PXDC1: variants seen among roughly 807,000 people sequenced by gnomAD.
PXDC1 encodes PX domain-containing protein 1.
PXDC1 carries 13 observed loss-of-function variants against 24.4 expected under a neutral mutation model. The ratio of observed to expected loss-of-function variants is 0.53; its 90% CI spans 0.35 to 0.85. PXDC1 has a LOEUF of 0.85. PXDC1 is among the 40% of genes least tolerant of loss of function. The pLI, the probability that PXDC1 is intolerant of heterozygous loss-of-function variation, is 0.01. For missense variants in PXDC1, 344 were observed against 309.3 expected (o/e 1.11, Z -0.84); for synonymous variants, 162 against 124.9 (o/e 1.30, Z -1.98).
chr6:3,750,319 G>A (rs929797909), intron 1 of PXDC1, among the ~76,000 whole-genome samples: 1 of 152,194 alleles, frequency 6.6e-6, no homozygotes, highest in Non-Finnish European at 1.5e-5. Flanking sequence ...AGAAAAGAAG[G>A]CTGCTGGGCC....
intron 1 of PXDC1, among the ~76,000 whole-genome samples, chr6:3,750,317 A>G (rs901011409): frequency 3.3e-5 from 5 of 152,188 alleles, no homozygotes; most frequent in African/African-American, 1.2e-4. Context: ...GCAGAAAAGA[A>G]GGCTGCTGGG....
intron 1 of PXDC1, among the ~76,000 whole-genome samples, chr6:3,739,612 T>C (rs11242869): frequency 0.1 from 15,374 of 152,200 alleles, 978 homozygotes; most frequent in East Asian, 0.35. Flanking sequence ...GCCCTGGCCG[T>C]CACCAGAGGA....
chr6:3,723,467 G>A lies in PXDC1; in HGVS notation c.*152C>T. The A allele has an allele frequency of 1.5e-6, 1 of 682,316 alleles. No homozygotes were observed. The highest frequency in any genetic ancestry group is 2.5e-5 in the East Asian group (1 of 40,208). The allele number at this position is 682,316 out of a possible 1,614,324, so 42.3% of individuals were successfully genotyped here. On this transcript the variant is annotated 3_prime_UTR_variant, in exon 5 of 5. Transcript: ENST00000380283. ...ACTAGGAGCCCCTGCTGCTCCACTT[G>A]CAGGACACCCAGGCCTCCTGGCGTC...
intron 1 of PXDC1, among the ~76,000 whole-genome samples, chr6:3,747,659 T>C (rs1356684690): frequency 6.6e-6 from 1 of 152,140 alleles, no homozygotes; most frequent in African/African-American, 2.4e-5. Context: ...TCGATCACCC[T>C]GTCTAAACGC....
chr6:3,743,803 C>G (rs968671974), intron 1 of PXDC1, among the ~76,000 whole-genome samples: 1 of 152,222 alleles, frequency 6.6e-6, no homozygotes. Context: ...GACAGAAGGC[C>G]TCCCCCACAC....
intron 1 of PXDC1, among the ~76,000 whole-genome samples, chr6:3,742,717 C>G (rs1760476199): frequency 1.3e-5 from 2 of 152,198 alleles, no homozygotes; most frequent in South Asian, 4.1e-4. Context: ...TTTCATCCTA[C>G]ACAATTTGTG....
chr6:3,732,349 T>C (rs187039883), intron 3 of PXDC1, among the ~76,000 whole-genome samples: 1 of 152,234 alleles, frequency 6.6e-6, no homozygotes, highest in Non-Finnish European at 1.5e-5. Context: ...TGCCCTTGTA[T>C]TAACTGGCTA....
intron 1 of PXDC1, among the ~76,000 whole-genome samples, chr6:3,746,203 G>C (rs1465024598): frequency 6.6e-6 from 1 of 152,170 alleles, no homozygotes; most frequent in African/African-American, 2.4e-5. Flanking sequence ...AGTGAGCTCA[G>C]GTGTCGCCTG....
chr6:3,733,220 G>C (rs1449543557), intron 3 of PXDC1, among the ~76,000 whole-genome samples: 1 of 152,174 alleles, frequency 6.6e-6, no homozygotes, highest in African/African-American at 2.4e-5. Context: ...ATGAGAGAAA[G>C]CCGTGTGGAC....
At position 3,744,320 on chromosome 6, in the gene PXDC1, G is replaced by A. The variant is rs558178936; in HGVS notation, c.257-6172C>T. Reference sequence around the variant, plus strand: ...TCCTCCACCAGGCTGGGGATACCACGGCCAACAAGATGGGATCCCGGCCTC... The same window carrying A: ...TCCTCCACCAGGCTGGGGATACCACAGCCAACAAGATGGGATCCCGGCCTC... On this transcript the variant is annotated intron_variant, in intron 1 of 4. Coordinates refer to ENST00000380283, the MANE Select transcript of PXDC1 (RefSeq NM_183373.4). 5.9e-5 allele frequency among the ~76,000 whole-genome samples: 9 copies of A among 152,254 alleles called. No homozygotes were observed. The South Asian group carries it at 6.2e-4, about 11-fold the overall frequency.
At chr6:3,723,788 C>A in intron 4 of PXDC1, 52 bp from the exon 5 acceptor site, 1 of 1,408,918 alleles carries the variant, frequency 7.1e-7, no homozygotes, top group Non-Finnish European at 1.0e-6. Context: ...GGGATCAACA[C>A]CAAACACCCG....
intron 3 of PXDC1, among the ~76,000 whole-genome samples, chr6:3,732,701 G>A (rs928252031): frequency 1.3e-5 from 2 of 152,148 alleles, no homozygotes; most frequent in South Asian, 4.1e-4. Context: ...GGAAACAGTC[G>A]CCGCGCCTGC....
intron 1 of PXDC1, among the ~76,000 whole-genome samples, chr6:3,744,226 CA>C (rs1372325807): frequency 1.3e-5 from 2 of 152,196 alleles, no homozygotes; most frequent in Admixed American, 1.3e-4. Context: ...CACAGGTTCC[CA>C]GGGGGAGCAG....
chr6:3,743,913 G>A (rs965757179), intron 1 of PXDC1, among the ~76,000 whole-genome samples: 1 of 152,204 alleles, frequency 6.6e-6, no homozygotes, highest in Non-Finnish European at 1.5e-5. Flanking sequence ...GAATGCAAGA[G>A]GAAGAGATGG....
chr6:3,742,222 C>G (rs960970592), intron 1 of PXDC1, among the ~76,000 whole-genome samples: 2 of 152,230 alleles, frequency 1.3e-5, no homozygotes, highest in Non-Finnish European at 2.9e-5. Flanking sequence ...TTCTATCCTA[C>G]CTGTTGTACT....
chr6:3,726,471 C>T lies in PXDC1; in HGVS notation c.578+1080G>A, dbSNP rs180729862. Among the ~76,000 whole-genome samples, 69 of 152,358 alleles carry T rather than the reference C, an allele frequency of 4.5e-4. 1 individual carries two copies. The East Asian group carries it at 0.012, about 26-fold the overall frequency. On this transcript the variant is annotated intron_variant, in intron 4 of 4. Coordinates refer to ENST00000380283, the MANE Select transcript of PXDC1 (RefSeq NM_183373.4). The stretch of plus-strand genomic sequence containing the variant: ...TGACCCCTCTACTGGGAAGGATTCT[C>T]GCACCATCTACCCGGGAGACACACT...
chr6:3,748,741 A>T (rs1561740904), intron 1 of PXDC1, among the ~76,000 whole-genome samples: 3 of 152,218 alleles, frequency 2.0e-5, no homozygotes, highest in Admixed American at 2.0e-4. Flanking sequence ...CACTGCCAGC[A>T]GAAGCTCAGA....
chr6:3,725,269 A>T lies in PXDC1; in HGVS notation c.579-1533T>A, dbSNP rs936588666. 6.6e-6 allele frequency among the ~76,000 whole-genome samples: 1 copy of T among 152,142 alleles called. No individual in the cohort carries two copies. The highest frequency in any genetic ancestry group is 1.5e-5 in the Non-Finnish European group (1 of 68,002). ...CAGATCACAGGATGACCCTGAGGAC[A>T]TGAGGAGGGAGGGGGACCGGGATGC... On this transcript the variant is annotated intron_variant, in intron 4 of 4. Transcript: ENST00000380283. This position sits in a 1 kb window ranked among gnomAD's most constrained non-coding sequence, Gnocchi z 4.8.
chr6:3,738,755 G>A (rs1001612408), intron 1 of PXDC1: 12 of 1,288,092 alleles, frequency 9.3e-6, no homozygotes, highest in Non-Finnish European at 1.0e-5. Flanking sequence ...CCACACACCC[G>A]AGTGGCTGTC....
Sources: allele counts gnomAD v4.1 joint callset (sites outside exome capture counted in the v4.1 genomes callset), GRCh38; gene constraint gnomAD v4.1.1; non-coding constraint Gnocchi (gnomAD v3.1); transcripts MANE v1.5; gene names NCBI Gene and HGNC (gene_info 2026-07-23, HGNC 2026-07-21).